MAML2: variants seen among roughly 807,000 people sequenced by gnomAD.
The protein encoded by MAML2 is mastermind-like protein 2.
MAML2 carries 22 observed loss-of-function variants against 96.1 expected under a neutral mutation model. The ratio of observed to expected loss-of-function variants is 0.23; its 90% CI spans 0.16 to 0.33. The LOEUF is 0.33. MAML2 is among the 10% of genes least tolerant of loss of function. MAML2 has a pLI of 1.00. For missense variants in MAML2, 1,367 were observed against 1,392.4 expected (o/e 0.98, Z 0.29); for synonymous variants, 561 against 521.3 (o/e 1.08, Z -1.04).
In MAML2 at chr11:95,979,198, G is replaced by A. The variant is rs372556150; in HGVS notation, c.3221C>T (p.Thr1074Met). The A allele has an allele frequency of 1.5e-4, 244 of 1,613,848 alleles. No individual in the cohort carries two copies. Among genetic ancestry groups the A allele is most frequent in the Non-Finnish European group, 1.9e-4 (229 of 1,179,886 alleles). Residue 1074 changes from threonine (T) to methionine (M), a missense_variant, in exon 5 of 5, where the codon ACG becomes ATG. Transcript: ENST00000524717. ...QSGTGLNQSR[T>M]GINQPPSLTP... is the part of the protein sequence containing the mutation. Reference sequence around the variant, plus strand: ...CAGGGATGGTGGCTGGTTGATGCCCGTCCTCGACTGATTCAACCCTGTTCC... The same window carrying A: ...CAGGGATGGTGGCTGGTTGATGCCCATCCTCGACTGATTCAACCCTGTTCC...
intron 1 of MAML2, among the ~76,000 whole-genome samples, chr11:96,318,368 C>T (rs1591129950): frequency 6.6e-6 from 1 of 152,256 alleles, no homozygotes; most frequent in East Asian, 1.9e-4. Flanking sequence ...GACCCCAAAC[C>T]TTATTTCTTA....
At chr11:96,108,351 G>T (rs1387221452) in intron 1 of MAML2, among the ~76,000 whole-genome samples, 2 of 152,182 alleles carry the variant, frequency 1.3e-5, no homozygotes, top group Non-Finnish European at 1.5e-5. Flanking sequence ...TTATTTTTAT[G>T]TAGTCTTCGG....
intron 1 of MAML2, among the ~76,000 whole-genome samples, chr11:96,299,044 C>CAAAAAAA (rs71040142): frequency 1.2e-5 from 1 of 80,810 alleles, no homozygotes; most frequent in African/African-American, 5.5e-5. Context: ...GAGTCCATCT[C>CAAAAAAA]AAAAAAAAAA....
At chr11:96,210,946 T>A (rs945594924) in intron 1 of MAML2, among the ~76,000 whole-genome samples, 3 of 152,206 alleles carry the variant, frequency 2.0e-5, no homozygotes, top group African/African-American at 7.2e-5. Context: ...TGTGGCTTCA[T>A]ATATGCACTA....
intron 1 of MAML2, among the ~76,000 whole-genome samples, chr11:96,120,550 T>G (rs187169130): frequency 6.6e-6 from 1 of 152,332 alleles, no homozygotes; most frequent in Non-Finnish European, 1.5e-5. Flanking sequence ...ACCTCCCAGC[T>G]CCTTAAGCAC....
At chr11:96,297,677 T>C (rs1215383372) in intron 1 of MAML2, among the ~76,000 whole-genome samples, 1 of 152,124 alleles carries the variant, frequency 6.6e-6, no homozygotes, top group African/African-American at 2.4e-5. Context: ...CATACATAAA[T>C]TAAAGAGAAT....
At chr11:96,003,856 G>A (rs1858136244) in intron 2 of MAML2, among the ~76,000 whole-genome samples, 1 of 152,110 alleles carries the variant, frequency 6.6e-6, no homozygotes, top group South Asian at 2.1e-4. Context: ...ATCAGATAGT[G>A]ATGGTAGCAT....
intron 2 of MAML2, among the ~76,000 whole-genome samples, chr11:96,091,265 A>G (rs972569074): frequency 3.3e-5 from 5 of 152,208 alleles, no homozygotes; most frequent in African/African-American, 4.8e-5. Flanking sequence ...AAGATACCCA[A>G]ACTCTGTGCT....
intron 2 of MAML2, among the ~76,000 whole-genome samples, chr11:96,037,064 C>G (rs1307955282): frequency 6.6e-6 from 1 of 152,178 alleles, no homozygotes; most frequent in Non-Finnish European, 1.5e-5. Context: ...AGCCAACGCA[C>G]CTGGGCTCTT....
chr11:96,156,972 C>A (rs1251448430), intron 1 of MAML2, among the ~76,000 whole-genome samples: 1 of 152,116 alleles, frequency 6.6e-6, no homozygotes, highest in Admixed American at 6.5e-5. Context: ...GTTTTAAAGT[C>A]CCCAGCCATG....
intron 1 of MAML2, among the ~76,000 whole-genome samples, chr11:96,338,269 G>C (rs1306765625): frequency 6.6e-6 from 1 of 152,240 alleles, no homozygotes; most frequent in Non-Finnish European, 1.5e-5. Flanking sequence ...CAAGTGGTTA[G>C]AAATGCAGAT....
At chr11:96,058,294 T>TTTTGTTTG (rs6144460) in intron 2 of MAML2, among the ~76,000 whole-genome samples, 109,778 of 151,036 alleles carry the variant, frequency 0.73, 40,216 homozygotes, top group Non-Finnish European at 0.78. Flanking sequence ...TCCAAGCAGT[T>TTTTGTTTG]TTTGTTTGTT....
At chr11:96,046,751 A>G (rs745834161) in intron 2 of MAML2, among the ~76,000 whole-genome samples, 4 of 152,162 alleles carry the variant, frequency 2.6e-5, no homozygotes, top group Non-Finnish European at 4.4e-5. Flanking sequence ...AATTATTTGT[A>G]AAGTATCTTC....
intron 1 of MAML2, among the ~76,000 whole-genome samples, chr11:96,252,351 C>T (rs974281362): frequency 6.6e-6 from 1 of 151,862 alleles, no homozygotes; most frequent in Non-Finnish European, 1.5e-5. Flanking sequence ...ATCTAATCCT[C>T]ACAATAATGA....
At chr11:96,153,905 C>T (rs1320300616) in intron 1 of MAML2, among the ~76,000 whole-genome samples, 1 of 146,962 alleles carries the variant, frequency 6.8e-6, no homozygotes, top group Non-Finnish European at 1.5e-5. Context: ...GAGCAAGACT[C>T]CGTCTCAATA....
intron 2 of MAML2, among the ~76,000 whole-genome samples, chr11:96,077,374 C>T (rs779367137): frequency 6.6e-6 from 1 of 151,900 alleles, no homozygotes; most frequent in Non-Finnish European, 1.5e-5. Context: ...GCATACGCCA[C>T]CATGCCCAGC....
intron 1 of MAML2, among the ~76,000 whole-genome samples, chr11:96,237,612 A>T (rs12278946): frequency 0.025 from 3,820 of 152,362 alleles, 153 homozygotes; most frequent in African/African-American, 0.085. Context: ...AATCTATAGC[A>T]GCTTTCACAT....
intron 2 of MAML2, among the ~76,000 whole-genome samples, chr11:96,066,986 G>A (rs1859254775): frequency 6.6e-6 from 1 of 152,214 alleles, no homozygotes; most frequent in Non-Finnish European, 1.5e-5. Context: ...GGTAGGAGCA[G>A]TGGGCAGTGT....
At chr11:96,118,878 G>T (rs1860289803) in intron 1 of MAML2, among the ~76,000 whole-genome samples, 2 of 151,560 alleles carry the variant, frequency 1.3e-5, no homozygotes, top group African/African-American at 2.4e-5. Context: ...TTTCCTTTAG[G>T]TTAAACACAA....
Sources: gnomAD v4.1 joint callset for allele counts (sites outside exome capture counted in the v4.1 genomes callset) on GRCh38, gnomAD v4.1.1 for gene constraint, MANE v1.5 for transcripts, NCBI Gene and HGNC (gene_info 2026-07-23, HGNC 2026-07-21) for gene names.